Variants in PKN2 observed in about 807,000 individuals in gnomAD.
The protein encoded by PKN2 is protein kinase N2, also known as serine/threonine-protein kinase N2.
In PKN2, 38 loss-of-function variants were observed where a neutral mutation model predicts 119.1. The observed-to-expected ratio is 0.32, with a 90% CI of 0.25 to 0.42. The LOEUF is 0.42. Among genes scored for constraint, PKN2 ranks in the 10% least tolerant of loss-of-function variants. The probability of loss-of-function intolerance (pLI) is 1.00; values close to 1 mark genes in which losing one functional copy is unlikely to be tolerated. For missense variants in PKN2, 850 were observed against 1,165.1 expected (o/e 0.73, Z 3.94); for synonymous variants, 390 against 384.9 (o/e 1.01, Z -0.15).
At chr1:88,776,161 C>G (rs1670090296) in intron 6 of PKN2, among the ~76,000 whole-genome samples, 1 of 150,998 alleles carries the variant, frequency 6.6e-6, no homozygotes, top group African/African-American at 2.4e-5. Flanking sequence ...TTAATTTTAC[C>G]TGCGTTTGTC....
intron 18 of PKN2, among the ~76,000 whole-genome samples, chr1:88,824,994 G>C (rs1052051455): frequency 2.6e-5 from 4 of 152,194 alleles, no homozygotes; most frequent in Admixed American, 2.0e-4. Flanking sequence ...AATGGACATA[G>C]TTCTTTCTGT....
At chr1:88,808,782 G>C (rs940601259) in intron 15 of PKN2, among the ~76,000 whole-genome samples, 2 of 152,106 alleles carry the variant, frequency 1.3e-5, no homozygotes, top group Non-Finnish European at 2.9e-5. Context: ...CACCACTGTA[G>C]GAGGCATATG....
chr1:88,728,952 T>A (rs1462731209), intron 1 of PKN2, among the ~76,000 whole-genome samples: 1 of 149,190 alleles, frequency 6.7e-6, no homozygotes, highest in Non-Finnish European at 1.5e-5. Flanking sequence ...TGGAGTGCAA[T>A]GACACGATCT....
chr1:88,807,803 T>C, intron 15 of PKN2, 28 bp downstream of exon 15: 1 of 1,310,290 alleles, frequency 7.6e-7, no homozygotes. Flanking sequence ...AAATTGTTTA[T>C]TTTTCTGAAT....
At chr1:88,735,189 C>T (rs1370181504) in intron 1 of PKN2, among the ~76,000 whole-genome samples, 1 of 152,154 alleles carries the variant, frequency 6.6e-6, no homozygotes, top group Non-Finnish European at 1.5e-5. Flanking sequence ...GACAGGGTCT[C>T]ACTCTGTCCT....
chr1:88,720,651 T>C (rs1667639449), intron 1 of PKN2, among the ~76,000 whole-genome samples: 2 of 152,184 alleles, frequency 1.3e-5, no homozygotes, highest in Admixed American at 1.3e-4. Context: ...TCAACAGATT[T>C]TGGGGGGAAC....
chr1:88,722,828 G>A (rs17099888), intron 1 of PKN2, among the ~76,000 whole-genome samples: 17,029 of 151,732 alleles, frequency 0.11, 1,967 homozygotes, highest in African/African-American at 0.3. Flanking sequence ...TTGATTGACT[G>A]TGATGTGCTG....
At chr1:88,747,939 A>G (rs1668832415) in intron 2 of PKN2, among the ~76,000 whole-genome samples, 1 of 152,260 alleles carries the variant, frequency 6.6e-6, no homozygotes, top group Non-Finnish European at 1.5e-5. Flanking sequence ...AATAGAAATG[A>G]AGATTTAATT....
rs748920012 is a variant in PKN2, at chr1:88,824,294, T to C, written c.2343-16T>C. 2.8e-6 allele frequency: 4 copies of C among 1,418,062 alleles called. No homozygotes were observed. The South Asian group carries it at 3.7e-5, about 13-fold the overall frequency. The allele number at this position is 1,418,062 out of a possible 1,614,324, so 87.8% of individuals were successfully genotyped here. On this transcript the variant is annotated splice_polypyrimidine_tract_variant and intron_variant, in intron 17 of 21. Transcript: ENST00000370521. ...TGATTTTTTTTTTTCATGCTGTATC[T>C]TTTTATCCTGAACAGAGATTTGAAA...
intron 2 of PKN2, among the ~76,000 whole-genome samples, chr1:88,752,315 A>G (rs1390908125): frequency 1.3e-5 from 2 of 151,826 alleles, no homozygotes; most frequent in Admixed American, 1.3e-4. Flanking sequence ...GTAATTTTGG[A>G]TAGTCTTTGT....
chr1:88,748,183 C>T (rs906881655), intron 2 of PKN2, among the ~76,000 whole-genome samples: 1 of 152,060 alleles, frequency 6.6e-6, no homozygotes, highest in Admixed American at 6.5e-5. Flanking sequence ...ATCTAACTGC[C>T]ACCACATTCA....
chr1:88,824,625 A>G (rs1276852061), intron 18 of PKN2, among the ~76,000 whole-genome samples: 2 of 152,206 alleles, frequency 1.3e-5, no homozygotes, highest in Non-Finnish European at 2.9e-5. Flanking sequence ...CTGTGTGATT[A>G]ATAATTTTGT....
At position 88,814,870 on chromosome 1, in the gene PKN2, T is replaced by C. The variant is rs180709739; in HGVS notation, c.2279+1137T>C. Among the ~76,000 whole-genome samples the C allele has an allele frequency of 8.9e-4, 136 of 152,352 alleles. 1 individual carries two copies. The highest frequency in any genetic ancestry group is 2.6e-3 in the African/African-American group (108 of 41,596). ...ATTCCACATCTATAATCTGATGAAATAGCAACTGACATTTGTGTTGTACTT... is the reference window on the plus strand; with the variant it reads ...ATTCCACATCTATAATCTGATGAAACAGCAACTGACATTTGTGTTGTACTT... On this transcript the variant is annotated intron_variant, in intron 16 of 21. Coordinates refer to ENST00000370521, the MANE Select transcript of PKN2 (RefSeq NM_006256.4).
chr1:88,746,661 T>C (rs561878499), intron 2 of PKN2, among the ~76,000 whole-genome samples: 4 of 152,250 alleles, frequency 2.6e-5, no homozygotes, highest in East Asian at 3.9e-4. Context: ...TTGGTGGTAT[T>C]GTAACATTAG....
intron 1 of PKN2, among the ~76,000 whole-genome samples, chr1:88,728,329 G>A (rs1667980492): frequency 6.6e-6 from 1 of 151,986 alleles, no homozygotes; most frequent in Admixed American, 6.6e-5. Context: ...GGATAACTCA[G>A]TCATCTCTCA....
At chr1:88,685,500 A>G (rs919927419) in intron 1 of PKN2, among the ~76,000 whole-genome samples, 3 of 152,172 alleles carry the variant, frequency 2.0e-5, no homozygotes, top group South Asian at 4.1e-4. Flanking sequence ...TCGAGTAGCA[A>G]TGTTATTTCC....
At chr1:88,771,628 T>C in intron 5 of PKN2, 35 bp from the exon 6 acceptor site, 1 of 1,595,366 alleles carries the variant, frequency 6.3e-7, no homozygotes, top group Non-Finnish European at 8.6e-7. Context: ...TATGTGATTA[T>C]TTAAATGACA....
At chr1:88,715,991 G>A (rs1010353765) in intron 1 of PKN2, among the ~76,000 whole-genome samples, 1 of 151,968 alleles carries the variant, frequency 6.6e-6, no homozygotes, top group Non-Finnish European at 1.5e-5. Context: ...CTGGTCCACT[G>A]TCTTTGTTCT....
chr1:88,790,060 T>C (rs1359378802), intron 8 of PKN2, among the ~76,000 whole-genome samples: 1 of 152,188 alleles, frequency 6.6e-6, no homozygotes, highest in Non-Finnish European at 1.5e-5. Context: ...GCAGGTATGC[T>C]TGGTTATGTA....
Sources: gnomAD v4.1 joint callset for allele counts (sites outside exome capture counted in the v4.1 genomes callset) on GRCh38, gnomAD v4.1.1 for gene constraint, MANE v1.5 for transcripts, NCBI Gene and HGNC (gene_info 2026-07-23, HGNC 2026-07-21) for gene names.